ELAC2: variants seen among roughly 807,000 people sequenced by gnomAD.
ELAC2 encodes zinc phosphodiesterase ELAC protein 2.
Under a neutral mutation model 105.2 loss-of-function variants are expected in ELAC2, and 92 were observed. The ratio of observed to expected loss-of-function variants is 0.87; its 90% confidence interval spans 0.74 to 1.04. The LOEUF is 1.04. Ranked by LOEUF, ELAC2 falls within the 50% of genes least tolerant of loss-of-function variation. ELAC2 has a pLI of 0.00. For synonymous variants in ELAC2, 468 were observed against 409.1 expected (o/e 1.14, Z -1.74); for missense variants, 1,099 against 1,071.7 (o/e 1.03, Z -0.36).
chr17:13,004,244 A>C (rs753775797), intron 11 of ELAC2: 4 of 157,308 alleles, frequency 2.5e-5, no homozygotes, highest in Non-Finnish European at 5.6e-5. Flanking sequence ...CGGGGCTACC[A>C]GCGCATCCAA....
rs2040214360 is a variant in ELAC2, at chr17:12,992,154, G to GAGAA, written c.*660_*663dup. Among the ~76,000 whole-genome samples the GAGAA allele has an allele frequency of 6.6e-6, 1 of 151,738 alleles. No homozygotes were observed. Among genetic ancestry groups the GAGAA allele is most frequent in the African/African-American group, 2.4e-5 (1 of 41,178 alleles). On this transcript the variant is annotated 3_prime_UTR_variant, in exon 24 of 24. Transcript: ENST00000338034. ...TGATTGATTGATTGATTGATTGATA[G>GAGAA]AGAAAGCACGCCCTGCTGTGAGCTG...
At chr17:13,016,770 A>ATTT in intron 3 of ELAC2, 92 bp downstream of exon 3, 3 of 1,028,814 alleles carry the variant, frequency 2.9e-6, no homozygotes, top group Non-Finnish European at 4.3e-6. Context: ...AAAAAAAAGT[A>ATTT]GCTGCCCACC....
chr17:13,003,767 G>A (rs982370957), intron 11 of ELAC2, 193 bp from the exon 12 acceptor site: 10 of 610,566 alleles, frequency 1.6e-5, no homozygotes, highest in East Asian at 2.8e-5. Context: ...TCCAATGGAC[G>A]TGGGATTCCT....
At chr17:13,001,575 G>A (rs896198804) in intron 14 of ELAC2, among the ~76,000 whole-genome samples, 1 of 151,978 alleles carries the variant, frequency 6.6e-6, no homozygotes, top group Non-Finnish European at 1.5e-5. Context: ...CACTTTCCTG[G>A]TTGGATTGTA....
chr17:12,992,136 T>C lies in ELAC2; in HGVS notation c.*682A>G, dbSNP rs1476279037. The stretch of plus-strand genomic sequence containing the variant: ...GGCTCTCACTGATTGATTTGATTGA[T>C]TGATTGATTGATTGATAGAGAAAGC... On this transcript the variant is annotated 3_prime_UTR_variant, in exon 24 of 24. Transcript: ENST00000338034. Among the ~76,000 whole-genome samples, 1 of 121,970 alleles carries C rather than the reference T, an allele frequency of 8.2e-6. No individual in the cohort carries two copies. The highest frequency in any genetic ancestry group is 2.6e-5 in the African/African-American group (1 of 38,316). The allele number at this position is 121,970 out of a possible 152,430, so 80.0% of individuals were successfully genotyped here.
At chr17:13,001,634 C>T (rs2040817996) in intron 14 of ELAC2, among the ~76,000 whole-genome samples, 1 of 152,178 alleles carries the variant, frequency 6.6e-6, no homozygotes, top group African/African-American at 2.4e-5. Flanking sequence ...AGTACCTTAA[C>T]AAGTCTCACA....
rs527918974 is a variant in ELAC2 at position 13,014,716 on chromosome 17, TGGA to T, written c.433-223_433-221del. Among the ~76,000 whole-genome samples, 9 of 152,178 alleles carry T rather than the reference TGGA, an allele frequency of 5.9e-5. No individual in the cohort carries two copies. The South Asian group carries it at 1.9e-3, about 32-fold the overall frequency. On this transcript the variant is annotated intron_variant, in intron 4 of 23. Coordinates refer to ENST00000338034, the MANE Select transcript of ELAC2 (RefSeq NM_018127.7). ...GGAGGCCTTGCTCTAATCAGGCCAG[TGGA>T]GGAGACAAAAGGAAACACGATAACA...
At chr17:13,007,099 A>T (rs564283125) in intron 8 of ELAC2, among the ~76,000 whole-genome samples, 1 of 150,958 alleles carries the variant, frequency 6.6e-6, no homozygotes, top group Admixed American at 6.6e-5. Flanking sequence ...CGACAGAGTG[A>T]GACTCTGTCT....
chr17:12,998,343 C>T lies in ELAC2; in HGVS notation c.1520+69G>A, dbSNP rs998214256. On this transcript the variant is annotated intron_variant, in intron 16 of 23. Transcript: ENST00000338034. ...CGCATTTCAAATCGACTGGTGAGTA[C>T]AGCAGGACTTTTGTTTAAAAAGTAA... The T allele has an allele frequency of 2.9e-5, 42 of 1,439,092 alleles. 1 individual carries two copies. Among genetic ancestry groups the T allele is most frequent in the South Asian group, 9.2e-5 (8 of 87,170 alleles). 89.1% of individuals were successfully genotyped at this position (1,439,092 alleles called of 1,614,324 possible).
chr17:12,994,382 A>T, intron 22 of ELAC2, 43 bp downstream of exon 22: 1 of 1,601,124 alleles, frequency 6.2e-7, no homozygotes, highest in Non-Finnish European at 8.6e-7. Context: ...GTAGTGGGGG[A>T]GGGAGAGGAT....
chr17:13,012,004 G>T (rs1466424977), intron 6 of ELAC2, among the ~76,000 whole-genome samples: 1 of 152,186 alleles, frequency 6.6e-6, no homozygotes, highest in Non-Finnish European at 1.5e-5. Context: ...CTCGGCCACA[G>T]TACCAACTCA....
At chr17:13,008,426 T>TGGGAGGCA (rs2041230484) in intron 8 of ELAC2, among the ~76,000 whole-genome samples, 2 of 150,670 alleles carry the variant, frequency 1.3e-5, no homozygotes, top group Non-Finnish European at 1.5e-5. Context: ...GCAGGAGAAC[T>TGGGAGGCA]GCTTGACCCT....
At position 13,015,078 on chromosome 17, in the gene ELAC2, A is replaced by G. The variant is rs113324724; in HGVS notation, c.433-582T>C. ...ATCAAGGTGTTTTGATTGTATTGCA[A>G]TGGGGAGCCCATGAAGGGCTTTAGG... On this transcript the variant is annotated intron_variant, in intron 4 of 23. Transcript: ENST00000338034. 8.5e-3 allele frequency among the ~76,000 whole-genome samples: 1,292 copies of G among 152,284 alleles called. 11 individuals are homozygous for G. Among genetic ancestry groups the G allele is most frequent in the African/African-American group, 0.027 (1,108 of 41,556 alleles).
At chr17:13,011,424 G>A (rs1475133308) in intron 7 of ELAC2, among the ~76,000 whole-genome samples, 2 of 152,122 alleles carry the variant, frequency 1.3e-5, no homozygotes, top group Non-Finnish European at 2.9e-5. Context: ...ACACAGTTTT[G>A]GGCCTACCCA....
chr17:13,011,071 AAAC>A (rs1467678457), intron 7 of ELAC2, among the ~76,000 whole-genome samples: 1 of 152,256 alleles, frequency 6.6e-6, no homozygotes, highest in East Asian at 1.9e-4. Context: ...GGTGCCATCC[AAAC>A]AAGGACAGCA....
chr17:12,994,298 A>G (rs1357375884), intron 22 of ELAC2, 127 bp downstream of exon 22: 2 of 1,070,532 alleles, frequency 1.9e-6, no homozygotes, highest in East Asian at 2.4e-5. Context: ...AGGTCAAGGA[A>G]GCCCCCATAG....
At chr17:13,000,693 A>C in intron 14 of ELAC2, 3 of 259,788 alleles carry the variant, frequency 1.2e-5, no homozygotes, top group South Asian at 4.5e-5. Context: ...TGACTCTGAA[A>C]CTCATGTTCA....
At chr17:13,000,328 C>G in intron 14 of ELAC2, 54 bp from the exon 15 acceptor site, 1 of 1,504,930 alleles carries the variant, frequency 6.6e-7, no homozygotes, top group Non-Finnish European at 9.2e-7. Flanking sequence ...ATGGCCTCAG[C>G]AGACCCCATT....
chr17:13,003,650 G>T, intron 11 of ELAC2, 76 bp from the exon 12 acceptor site: 1 of 1,355,322 alleles, frequency 7.4e-7, no homozygotes, highest in Non-Finnish European at 1.1e-6. Flanking sequence ...CAGCCAGGGA[G>T]GGGTATCGTG....
Sources: gnomAD v4.1 joint callset for allele counts (sites outside exome capture counted in the v4.1 genomes callset) on GRCh38, gnomAD v4.1.1 for gene constraint, MANE v1.5 for transcripts, NCBI Gene and HGNC (gene_info 2026-07-23, HGNC 2026-07-21) for gene names.